The following SOCS7 variants were observed in gnomAD, a reference collection of about 807,000 sequenced individuals.
SOCS7 encodes the protein NAP-4.
In SOCS7, 18 loss-of-function variants were observed where a neutral mutation model predicts 58.9. That is an observed-to-expected ratio of 0.31 (90% CI 0.21 to 0.45). The LOEUF (loss-of-function observed/expected upper bound fraction) is 0.45, where lower values mean the gene tolerates loss of function less well. SOCS7 is among the 20% of genes least tolerant of loss of function. SOCS7 has a pLI of 1.00. For missense variants in SOCS7, 667 were observed against 837.3 expected, an observed-to-expected ratio of 0.80 and a Z score of 2.51; for synonymous variants, 388 against 364.3, an observed-to-expected ratio of 1.06 and a Z score of -0.74.
rs111419149 is a variant in SOCS7 at position 38,361,574 on chromosome 17, G to T, written c.981-137G>T. The T allele has an allele frequency of 2.0e-4, 147 of 748,548 alleles. No individual in the cohort carries two copies. The African/African-American group carries it at 2.4e-3, about 12-fold the overall frequency. The allele number at this position is 748,548 out of a possible 1,614,324, so 46.4% of individuals were successfully genotyped here. A position where few individuals can be genotyped will look rare whatever the true frequency, so the allele number is the denominator to read the frequency against. ...TCATTCTCCCCCTTTATTTTATGCT[G>T]TATTACAAGAGTGTTGCTGACAACG... On this transcript the variant is annotated intron_variant, in intron 1 of 9. Transcript: ENST00000612932.
intron 4 of SOCS7, 138 bp downstream of exon 4, chr17:38,365,547 C>A: frequency 3.7e-6 from 2 of 541,932 alleles, no homozygotes; most frequent in Non-Finnish European, 6.1e-6. Flanking sequence ...TTGGCTGGAC[C>A]AGACTCCTTA....
chr17:38,377,329 A>G (rs2037944485), intron 6 of SOCS7, among the ~76,000 whole-genome samples: 3 of 152,210 alleles, frequency 2.0e-5, no homozygotes, highest in Admixed American at 1.3e-4. Flanking sequence ...ATGATGCTCA[A>G]AGGAAATGCT....
chr17:38,391,023 T>C (rs1251904502), intron 7 of SOCS7, among the ~76,000 whole-genome samples: 3 of 152,170 alleles, frequency 2.0e-5, no homozygotes, highest in Non-Finnish European at 4.4e-5. Flanking sequence ...ATAAGTTTTG[T>C]ATTTCTTTTG....
At chr17:38,372,542 GT>G (rs1195100339) in intron 6 of SOCS7, among the ~76,000 whole-genome samples, 1 of 152,200 alleles carries the variant, frequency 6.6e-6, no homozygotes, top group Non-Finnish European at 1.5e-5. Flanking sequence ...CCATGTGAGT[GT>G]TTATCTCTCC....
chr17:38,385,810 C>T (rs12948887), intron 7 of SOCS7, among the ~76,000 whole-genome samples: 17,225 of 152,044 alleles, frequency 0.11, 2,004 homozygotes, highest in African/African-American at 0.29. Flanking sequence ...TTACTAATTA[C>T]GTACTCTTGT....
intron 7 of SOCS7, among the ~76,000 whole-genome samples, chr17:38,393,952 G>A (rs1410351371): frequency 6.6e-6 from 1 of 152,172 alleles, no homozygotes; most frequent in Non-Finnish European, 1.5e-5. Flanking sequence ...CCCAATAATA[G>A]TAGATATTTT....
At chr17:38,382,473 A>T (rs2038016091) in intron 7 of SOCS7, among the ~76,000 whole-genome samples, 1 of 150,222 alleles carries the variant, frequency 6.7e-6, no homozygotes, top group South Asian at 2.1e-4. Context: ...CATGCTTTGA[A>T]TTGGACAGCT....
chr17:38,401,407 G>A lies in SOCS7; in HGVS notation c.*1925G>A, dbSNP rs2038316881. The A allele has an allele frequency of 1.3e-5, 2 of 152,130 alleles. No individual in the cohort carries two copies. Among genetic ancestry groups the A allele is most frequent in the Non-Finnish European group, 2.9e-5 (2 of 68,030 alleles). The allele number at this position is 152,130 out of a possible 1,614,324, so 9.4% of individuals were successfully genotyped here. A position where few individuals can be genotyped will look rare whatever the true frequency, so the allele number is the denominator to read the frequency against. ...CCACCCCAATATAGAGCCTGAAGTT[G>A]GAATCTGTTGAGATCCTTGGGTGGC... On this transcript the variant is annotated 3_prime_UTR_variant, in exon 10 of 10. Coordinates refer to ENST00000612932, the MANE Select transcript of SOCS7 (RefSeq NM_014598.4).
chr17:38,377,479 C>T (rs2037946927), intron 6 of SOCS7, among the ~76,000 whole-genome samples: 1 of 152,152 alleles, frequency 6.6e-6, no homozygotes, highest in Non-Finnish European at 1.5e-5. Flanking sequence ...GAGTACTTAG[C>T]TTGTATTTAC....
At chr17:38,397,549 A>C (rs1325629948) in intron 9 of SOCS7, among the ~76,000 whole-genome samples, 1 of 152,248 alleles carries the variant, frequency 6.6e-6, no homozygotes, top group Non-Finnish European at 1.5e-5. Flanking sequence ...ACCAAAATGA[A>C]TGTAAGTTAC....
rs1012730856 is a variant in SOCS7 at position 38,395,355 on chromosome 17, C to T, written c.1728C>T (p.Phe576=). Residue 576 remains phenylalanine (F), a synonymous_variant, in exon 8 of 10, where the codon TTC becomes TTT. Coordinates refer to ENST00000612932, the MANE Select transcript of SOCS7 (RefSeq NM_014598.4). The part of the protein sequence containing the change: ...PVQLLYPVSR[F]SNVKSLQHLC... ...AGCTGCTCTATCCAGTGTCCCGATT[C>T]AGCAATGTCAAATCCCTCCAGCACC... The T allele has an allele frequency of 6.2e-7, 1 of 1,614,010 alleles. No homozygotes were observed. Among genetic ancestry groups the T allele is most frequent in the Non-Finnish European group, 8.5e-7 (1 of 1,179,978 alleles).
At chr17:38,381,739 G>C (rs752211516) in intron 7 of SOCS7, among the ~76,000 whole-genome samples, 1 of 151,730 alleles carries the variant, frequency 6.6e-6, no homozygotes, top group African/African-American at 2.4e-5. Flanking sequence ...CAAGGTGGGC[G>C]GATTGCCTGA....
intron 7 of SOCS7, among the ~76,000 whole-genome samples, chr17:38,387,166 A>G (rs1466101285): frequency 9.0e-6 from 1 of 110,504 alleles, no homozygotes; most frequent in Non-Finnish European, 1.7e-5. Flanking sequence ...TAATTCAGCC[A>G]GGTGCAGTGA....
intron 1 of SOCS7, among the ~76,000 whole-genome samples, chr17:38,353,259 C>G (rs1312425739): frequency 3.9e-5 from 6 of 152,208 alleles, no homozygotes; most frequent in Admixed American, 2.6e-4. Flanking sequence ...TGGTTTGCAT[C>G]TGTCTTGTTG....
intron 4 of SOCS7, chr17:38,365,959 G>T: frequency 9.2e-7 from 1 of 1,081,140 alleles, no homozygotes; most frequent in Admixed American, 5.2e-5. Context: ...TGCCTTATCG[G>T]CACTTCACTT....
chr17:38,386,376 C>T (rs780829569), intron 7 of SOCS7, among the ~76,000 whole-genome samples: 1 of 148,256 alleles, frequency 6.7e-6, no homozygotes, highest in East Asian at 2.0e-4. Flanking sequence ...GCAGGGTAAT[C>T]GCTTGAGTCT....
In SOCS7 at chr17:38,405,483, G is replaced by A. The variant is rs940562634; in HGVS notation, c.*6001G>A. The A allele has an allele frequency of 2.6e-5, 4 of 152,154 alleles. No homozygotes were observed. The highest frequency in any genetic ancestry group is 5.9e-5 in the Non-Finnish European group (4 of 68,038). 9.4% of individuals were successfully genotyped at this position (152,154 alleles called of 1,614,324 possible). The stretch of plus-strand genomic sequence containing the variant: ...CCCAGTTTTTTGTAAGTGTCAGTGC[G>A]AGAGACATTTGACTCTTGTGTTTGT... On this transcript the variant is annotated 3_prime_UTR_variant, in exon 10 of 10. Transcript: ENST00000612932.
At chr17:38,381,968 A>AC in intron 7 of SOCS7, among the ~76,000 whole-genome samples, 1 of 149,508 alleles carries the variant, frequency 6.7e-6, no homozygotes, top group East Asian at 1.9e-4. Context: ...AAAAAAAAAA[A>AC]AAAAAACCTA....
chr17:38,381,148 G>A (rs1166201221), intron 7 of SOCS7, among the ~76,000 whole-genome samples: 1 of 152,132 alleles, frequency 6.6e-6, no homozygotes, highest in Non-Finnish European at 1.5e-5. Flanking sequence ...GCAGGAGGGT[G>A]CACATGCTCC....
Sources: gnomAD v4.1 joint callset for allele counts (sites outside exome capture counted in the v4.1 genomes callset) on GRCh38, gnomAD v4.1.1 for gene constraint, MANE v1.5 for transcripts, NCBI Gene and HGNC (gene_info 2026-07-23, HGNC 2026-07-21) for gene names.